Variants in PRUNE2 observed in about 807,000 individuals in gnomAD.
The protein encoded by PRUNE2 is prune homolog 2 with BCH domain, also known as protein prune homolog 2.
A neutral mutation model predicts 252.0 loss-of-function variants in PRUNE2; 164 were observed. The observed-to-expected ratio is 0.65, with a 90% CI of 0.57 to 0.74. PRUNE2 has a LOEUF of 0.74. Among genes scored for constraint, PRUNE2 ranks in the 30% least tolerant of loss-of-function variants. The probability of loss-of-function intolerance (pLI) is 0.00; values close to 1 mark genes in which losing one functional copy is unlikely to be tolerated. For missense variants in PRUNE2, 3,495 were observed against 3,711.0 expected, an observed-to-expected ratio of 0.94 and a Z score of 1.51; for synonymous variants, 1,292 against 1,350.2, an observed-to-expected ratio of 0.96 and a Z score of 0.94.
chr9:76,840,217 A>G (rs921033049), intron 4 of PRUNE2, among the ~76,000 whole-genome samples: 1 of 152,220 alleles, frequency 6.6e-6, no homozygotes, highest in Admixed American at 6.5e-5. Flanking sequence ...GCAGAGGAAA[A>G]GGAGCTAACA....
Position 76,725,949 on chromosome 9 carries a change from G to T in PRUNE2, c.757-12228C>A, listed in dbSNP as rs187347596. 6.7e-4 allele frequency among the ~76,000 whole-genome samples: 102 copies of T among 152,350 alleles called. No individual in the cohort carries two copies. The East Asian group carries it at 0.018, about 27-fold the overall frequency. ...GAGAAAGAAGTCAGCAGGATCTGGG[G>T]AGTGTTCCCACAGAAGCCAAGAAGA... On this transcript the variant is annotated intron_variant, in intron 6 of 18. Transcript: ENST00000376718.
chr9:76,641,741 C>G (rs867709304), intron 12 of PRUNE2, among the ~76,000 whole-genome samples: 8 of 151,912 alleles, frequency 5.3e-5, no homozygotes, highest in Non-Finnish European at 1.0e-4. Context: ...TGAGCAACCC[C>G]CCCCCAGGAG....
In PRUNE2 at chr9:76,642,845, G is replaced by A. The variant is rs141164746; in HGVS notation, c.8728+1894C>T. On this transcript the variant is annotated intron_variant, in intron 12 of 18. Coordinates refer to ENST00000376718, the MANE Select transcript of PRUNE2 (RefSeq NM_015225.3). ...AAAGGTGGCATCTCTCTAAAGTTCC[G>A]GATGGGTGCAGCCAGAGGCACATTT... 1.8e-4 allele frequency among the ~76,000 whole-genome samples: 27 copies of A among 152,236 alleles called. No individual in the cohort carries two copies. In the East Asian group the frequency reaches 2.7e-3, roughly 15 times the overall value.
intron 9 of PRUNE2, among the ~76,000 whole-genome samples, chr9:76,679,676 T>G (rs1157503012): frequency 6.6e-6 from 1 of 152,116 alleles, no homozygotes; most frequent in Non-Finnish European, 1.5e-5. Context: ...GACAGATATA[T>G]AGACTAGTGG....
chr9:76,752,420 T>C (rs1173434622), intron 6 of PRUNE2, among the ~76,000 whole-genome samples: 1 of 152,152 alleles, frequency 6.6e-6, no homozygotes, highest in Non-Finnish European at 1.5e-5. Flanking sequence ...TTAAATGCCT[T>C]ATACCTCACT....
At chr9:76,868,013 C>A (rs1257265455) in intron 1 of PRUNE2, among the ~76,000 whole-genome samples, 1 of 152,172 alleles carries the variant, frequency 6.6e-6, no homozygotes, top group Non-Finnish European at 1.5e-5. Context: ...TGGTTCCAAT[C>A]TTAATTCACT....
chr9:76,632,558 T>C (rs1838138975), intron 15 of PRUNE2, among the ~76,000 whole-genome samples: 1 of 151,924 alleles, frequency 6.6e-6, no homozygotes. Flanking sequence ...CTGCTGTCAG[T>C]TTATTATTAT....
At chr9:76,722,360 G>A (rs56143215) in intron 6 of PRUNE2, among the ~76,000 whole-genome samples, 4,073 of 151,554 alleles carry the variant, frequency 0.027, 159 homozygotes, top group African/African-American at 0.091. Context: ...GTGAGCCACC[G>A]CGCCCAGCCT....
At chr9:76,882,682 T>C (rs765725483) in intron 1 of PRUNE2, among the ~76,000 whole-genome samples, 2 of 152,256 alleles carry the variant, frequency 1.3e-5, no homozygotes, top group East Asian at 1.9e-4. Context: ...ACACACTCAC[T>C]ATCACAGGAG....
rs11145019 is a variant in PRUNE2 at position 76,710,843 on chromosome 9, C to T, written c.1431G>A (p.Val477=). ...CTCCAGACCATGCATGTTCCTCCGC[C>T]ACCGCCCCTTCAGGGATGGGGCTGT... is the stretch of plus-strand genomic sequence containing the variant. The part of the protein sequence containing the change: ...DSYSPIPEGA[V]AEEHAWSGEH... The change falls in exon 8 of 19, where the codon GTG becomes GTA. Residue 477 remains valine, a synonymous_variant. Transcript: ENST00000376718. The T allele has an allele frequency of 0.16, 243,182 of 1,544,042 alleles. 22,935 individuals are homozygous for T. Among genetic ancestry groups the T allele is most frequent in the East Asian group, 0.49 (21,814 of 44,340 alleles).
intron 4 of PRUNE2, among the ~76,000 whole-genome samples, chr9:76,828,949 G>A (rs1490190341): frequency 2.0e-5 from 3 of 149,858 alleles, no homozygotes; most frequent in East Asian, 3.9e-4. Flanking sequence ...TCTGGGAGGC[G>A]GAGGTTGCAG....
At chr9:76,691,770 T>C (rs548963236) in intron 9 of PRUNE2, among the ~76,000 whole-genome samples, 2 of 152,184 alleles carry the variant, frequency 1.3e-5, no homozygotes, top group Non-Finnish European at 2.9e-5. Flanking sequence ...TCATCATAAA[T>C]ATAAAGGAAA....
intron 1 of PRUNE2, among the ~76,000 whole-genome samples, chr9:76,902,151 T>C (rs949266925): frequency 1.3e-5 from 2 of 152,180 alleles, no homozygotes; most frequent in African/African-American, 4.8e-5. Context: ...ATTCCTCATG[T>C]ACTTCATTTT....
intron 1 of PRUNE2, among the ~76,000 whole-genome samples, chr9:76,905,121 A>G (rs1324370262): frequency 1.3e-5 from 2 of 152,114 alleles, no homozygotes; most frequent in Admixed American, 6.5e-5. Flanking sequence ...AAACAGAAAC[A>G]TTTCCATTAT....
intron 1 of PRUNE2, among the ~76,000 whole-genome samples, chr9:76,866,784 AAG>A (rs2060866294): frequency 6.6e-6 from 1 of 152,000 alleles, no homozygotes; most frequent in African/African-American, 2.4e-5. Flanking sequence ...GAGCGAGAGA[AAG>A]AGCGAGAGAG....
intron 6 of PRUNE2, among the ~76,000 whole-genome samples, chr9:76,732,106 A>C (rs1316775876): frequency 6.6e-6 from 1 of 152,116 alleles, no homozygotes; most frequent in African/African-American, 2.4e-5. Flanking sequence ...CGAGGTCAGG[A>C]GATCAAGACC....
chr9:76,875,349 G>A (rs1383001083), intron 1 of PRUNE2, among the ~76,000 whole-genome samples: 2 of 151,682 alleles, frequency 1.3e-5, no homozygotes, highest in Non-Finnish European at 2.9e-5. Flanking sequence ...TTGAGGGCTA[G>A]CTCTGTGTTT....
intron 9 of PRUNE2, among the ~76,000 whole-genome samples, chr9:76,683,308 G>A (rs189231335): frequency 6.6e-6 from 1 of 152,270 alleles, no homozygotes; most frequent in East Asian, 1.9e-4. Flanking sequence ...GCAGTTGACT[G>A]TAATGTAAAC....
chr9:76,881,302 A>G (rs2061769016), intron 1 of PRUNE2, among the ~76,000 whole-genome samples: 2 of 152,170 alleles, frequency 1.3e-5, no homozygotes, highest in Admixed American at 1.3e-4. Context: ...GGGATCTAAG[A>G]CCAAAACGTT....
Sources: allele counts gnomAD v4.1 joint callset (sites outside exome capture counted in the v4.1 genomes callset), GRCh38; gene constraint gnomAD v4.1.1; transcripts MANE v1.5; gene names NCBI Gene and HGNC (gene_info 2026-07-23, HGNC 2026-07-21).